The following CTDSPL variants were observed in gnomAD, a reference collection of about 807,000 sequenced individuals.
CTDSPL encodes CTD small phosphatase-like protein.
CTDSPL carries 8 observed loss-of-function variants against 30.5 expected under a neutral mutation model. That is an observed-to-expected ratio of 0.26 (90% CI 0.15 to 0.47). The LOEUF (loss-of-function observed/expected upper bound fraction) is 0.47. Among genes scored for constraint, CTDSPL ranks in the 20% least tolerant of loss-of-function variants. CTDSPL has a pLI of 0.99. For synonymous variants in CTDSPL, 110 were observed against 137.9 expected (o/e 0.80, Z 1.42); for missense variants, 248 against 366.1 (o/e 0.68, Z 2.63).
chr3:37,947,661 G>T (rs1699055348), intron 2 of CTDSPL, among the ~76,000 whole-genome samples: 1 of 152,156 alleles, frequency 6.6e-6, no homozygotes, highest in South Asian at 2.1e-4. Flanking sequence ...TTTGATAAAG[G>T]ATATCTCATT....
Position 37,934,225 on chromosome 3 carries a change from G to A in CTDSPL, c.80-12832G>A, listed in dbSNP as rs1419223513. Among the ~76,000 whole-genome samples, 3 of 152,098 alleles carry A rather than the reference G, an allele frequency of 2.0e-5. No individual in the cohort carries two copies. The East Asian group carries it at 5.8e-4, about 29-fold the overall frequency. On this transcript the variant is annotated intron_variant, in intron 1 of 7. Coordinates refer to ENST00000273179, the MANE Select transcript of CTDSPL (RefSeq NM_001008392.2). ...GCCTGTAGTCCCAGCTATTCAGGAG[G>A]CTGAGGTGAGAAGATGGCTTGAGCC...
intron 1 of CTDSPL, among the ~76,000 whole-genome samples, chr3:37,882,132 A>T (rs1355807655): frequency 3.3e-5 from 5 of 151,772 alleles, no homozygotes; most frequent in Admixed American, 3.3e-4. Context: ...ACATGGTGAA[A>T]CCCCTTCTCT....
chr3:37,929,959 T>G (rs774865705), intron 1 of CTDSPL, among the ~76,000 whole-genome samples: 8 of 151,908 alleles, frequency 5.3e-5, no homozygotes, highest in Non-Finnish European at 1.2e-4. Flanking sequence ...AATACAAAAA[T>G]TAGCTGGGCA....
chr3:37,934,718 T>C (rs1698895284), intron 1 of CTDSPL, among the ~76,000 whole-genome samples: 2 of 152,222 alleles, frequency 1.3e-5, no homozygotes, highest in Non-Finnish European at 2.9e-5. Context: ...AGGCTTGCAG[T>C]AGACAAGAGG....
chr3:37,935,949 C>T (rs1365309386), intron 1 of CTDSPL, among the ~76,000 whole-genome samples: 2 of 152,158 alleles, frequency 1.3e-5, no homozygotes, highest in East Asian at 1.9e-4. Context: ...TCTGTTTTCT[C>T]ATCGGAAAAT....
intron 1 of CTDSPL, among the ~76,000 whole-genome samples, chr3:37,884,999 C>T (rs183222468): frequency 1.3e-5 from 2 of 152,148 alleles, no homozygotes; most frequent in Admixed American, 6.5e-5. Flanking sequence ...GAACTATAAG[C>T]CCGCATTTTT....
intron 7 of CTDSPL, among the ~76,000 whole-genome samples, chr3:37,979,314 A>T (rs1000932856): frequency 6.6e-6 from 1 of 151,970 alleles, no homozygotes; most frequent in South Asian, 2.1e-4. Context: ...AAAAAAAGAA[A>T]AAAAAAAGGC....
intron 1 of CTDSPL, among the ~76,000 whole-genome samples, chr3:37,864,630 A>G (rs552203232): frequency 6.6e-6 from 1 of 152,266 alleles, no homozygotes; most frequent in East Asian, 1.9e-4. Flanking sequence ...CAAATGTTGG[A>G]ATAATTTCTT....
chr3:37,904,889 C>T (rs1273555897), intron 1 of CTDSPL, among the ~76,000 whole-genome samples: 24 of 152,186 alleles, frequency 1.6e-4, no homozygotes, highest in Admixed American at 1.5e-3. Context: ...CTCATCATCA[C>T]CCTGTCCATC....
intron 6 of CTDSPL, among the ~76,000 whole-genome samples, chr3:37,971,823 T>C (rs1007082379): frequency 6.6e-5 from 10 of 152,204 alleles, no homozygotes; most frequent in Non-Finnish European, 1.2e-4. Context: ...CCCTCAACCA[T>C]TGACTGTCAG....
At chr3:37,964,378 C>T (rs942504941) in intron 3 of CTDSPL, among the ~76,000 whole-genome samples, 193 bp from the exon 4 acceptor site, 2 of 152,296 alleles carry the variant, frequency 1.3e-5, no homozygotes, top group African/African-American at 4.8e-5. Context: ...AAGCCTAGGA[C>T]TTCATAGCAG....
chr3:37,969,567 T>C (rs1201803289), intron 5 of CTDSPL: 3 of 372,838 alleles, frequency 8.0e-6, no homozygotes, highest in Non-Finnish European at 1.6e-5. Context: ...CTCCTGCCCT[T>C]TGCATGTAGC....
rs550584516 is a variant in CTDSPL, at chr3:37,960,334, G to A, written c.267+3191G>A. Among the ~76,000 whole-genome samples the A allele has an allele frequency of 7.3e-5, 11 of 151,380 alleles. No homozygotes were observed. In the South Asian group the frequency reaches 2.1e-3, roughly 29 times the overall value. On this transcript the variant is annotated intron_variant, in intron 3 of 7. Transcript: ENST00000273179. ...CATTTCTACTAAAAATACAAAATTAGCCGGGTATGGTGGCACATGCCAGTA... is the reference window on the plus strand; with the variant it reads ...CATTTCTACTAAAAATACAAAATTAACCGGGTATGGTGGCACATGCCAGTA...
chr3:37,964,692 A>G lies in CTDSPL; in HGVS notation c.369+20A>G, dbSNP rs929706357. On this transcript the variant is annotated intron_variant, in intron 4 of 7. Coordinates refer to ENST00000273179, the MANE Select transcript of CTDSPL (RefSeq NM_001008392.2). ...TTTAAGGTAAATCAACATAAAAAAA[A>G]AATCCATGATCTTTGTGATTTGATA... is the stretch of plus-strand genomic sequence containing the variant. 6.4e-7 allele frequency: 1 copy of G among 1,551,514 alleles called. No homozygotes were observed. The highest frequency in any genetic ancestry group is 1.7e-5 in the Admixed American group (1 of 58,512).
intron 1 of CTDSPL, among the ~76,000 whole-genome samples, chr3:37,887,460 G>A (rs1353194591): frequency 6.6e-6 from 1 of 152,164 alleles, no homozygotes. Flanking sequence ...AGGCTCTGGG[G>A]CACACTGCCT....
intron 3 of CTDSPL, among the ~76,000 whole-genome samples, chr3:37,962,751 A>G (rs965372460): frequency 6.6e-6 from 1 of 152,234 alleles, no homozygotes; most frequent in African/African-American, 2.4e-5. Flanking sequence ...GATAGACACT[A>G]ATGTCAAAAG....
chr3:37,957,595 C>G (rs1699188741), intron 3 of CTDSPL, among the ~76,000 whole-genome samples: 2 of 152,218 alleles, frequency 1.3e-5, no homozygotes, highest in African/African-American at 4.8e-5. Context: ...CTGTTTCTAA[C>G]TTATCAGTGG....
chr3:37,886,458 G>A (rs1163520194), intron 1 of CTDSPL, among the ~76,000 whole-genome samples: 1 of 152,122 alleles, frequency 6.6e-6, no homozygotes, highest in Non-Finnish European at 1.5e-5. Context: ...AGCCCATAGT[G>A]ATTTTTGCCC....
chr3:37,901,863 C>T (rs1429547977), intron 1 of CTDSPL, among the ~76,000 whole-genome samples: 1 of 152,154 alleles, frequency 6.6e-6, no homozygotes. Context: ...ATCTTTCTGA[C>T]ATAGTGAGAA....
Sources: gnomAD v4.1 joint callset for allele counts (sites outside exome capture counted in the v4.1 genomes callset) on GRCh38, gnomAD v4.1.1 for gene constraint, MANE v1.5 for transcripts, NCBI Gene and HGNC (gene_info 2026-07-23, HGNC 2026-07-21) for gene names.